Variants in SEMA3D observed in about 807,000 individuals in gnomAD.
SEMA3D encodes semaphorin 3D.
SEMA3D carries 84 observed loss-of-function variants against 100.1 expected under a neutral mutation model. The ratio of observed to expected loss-of-function variants is 0.84; its 90% CI spans 0.70 to 1.01. The LOEUF is 1.01. SEMA3D is among the 50% of genes least tolerant of loss of function. The pLI, the probability that SEMA3D is intolerant of heterozygous loss-of-function variation, is 0.00. For missense variants in SEMA3D, 875 were observed against 934.1 expected, an observed-to-expected ratio of 0.94 and a Z score of 0.82; for synonymous variants, 312 against 320.7, an observed-to-expected ratio of 0.97 and a Z score of 0.29.
chr7:85,145,848 T>C (rs1182430665), intron 2 of SEMA3D, among the ~76,000 whole-genome samples: 2 of 152,156 alleles, frequency 1.3e-5, no homozygotes, highest in Non-Finnish European at 2.9e-5. Context: ...TATTTGCATA[T>C]AACCTACTCA....
intron 2 of SEMA3D, among the ~76,000 whole-genome samples, chr7:85,145,111 A>G (rs1016428560): frequency 6.6e-6 from 1 of 152,190 alleles, no homozygotes; most frequent in African/African-American, 2.4e-5. Context: ...CAAATTTTTA[A>G]ACTCTTTCTG....
intron 12 of SEMA3D, among the ~76,000 whole-genome samples, chr7:85,036,608 T>G (rs974246813): frequency 5.3e-5 from 8 of 152,246 alleles, no homozygotes; most frequent in Admixed American, 1.3e-4. Flanking sequence ...TCTAGATAAC[T>G]AAATCTTTCC....
intron 3 of SEMA3D, among the ~76,000 whole-genome samples, chr7:85,100,595 C>T (rs1788715157): frequency 6.6e-6 from 1 of 151,676 alleles, no homozygotes; most frequent in South Asian, 2.1e-4. Flanking sequence ...GAGATAATGT[C>T]TAGGATATAG....
chr7:85,032,217 T>C (rs1436905566), intron 12 of SEMA3D, among the ~76,000 whole-genome samples: 1 of 152,008 alleles, frequency 6.6e-6, no homozygotes. Context: ...TGATACGCTG[T>C]GAAATATAAT....
chr7:85,055,715 G>A lies in SEMA3D; in HGVS notation c.861+2C>T, dbSNP rs773876763. On this transcript the variant is annotated splice_donor_variant, in intron 9 of 18. Transcript: ENST00000284136. LOFTEE classifies it low-confidence loss of function (GC_TO_GT_DONOR). ...TAAGTAAAATATATAAATATATCTTGCCTTACAAACTCTTCCAACTCGAGA... is the reference window on the plus strand; with the variant it reads ...TAAGTAAAATATATAAATATATCTTACCTTACAAACTCTTCCAACTCGAGA... 1.7e-6 allele frequency: 2 copies of A among 1,166,870 alleles called. No individual in the cohort carries two copies. The highest frequency in any genetic ancestry group is 3.2e-5 in the South Asian group (2 of 61,600). 72.3% of individuals were successfully genotyped at this position (1,166,870 alleles called of 1,614,324 possible).
the SEMA3D span, among the ~76,000 whole-genome samples, chr7:85,202,716 A>G: frequency 6.6e-6 from 1 of 152,190 alleles, no homozygotes; most frequent in Non-Finnish European, 1.5e-5. Context: ...GAAGACATTT[A>G]TGCAGCCAAA....
chr7:85,058,258 T>A (rs1256432735), intron 8 of SEMA3D, among the ~76,000 whole-genome samples: 1 of 152,170 alleles, frequency 6.6e-6, no homozygotes, highest in African/African-American at 2.4e-5. Flanking sequence ...ATAAAGTATT[T>A]AATTTTTTTC....
chr7:85,023,360 T>C (rs1482029718), intron 12 of SEMA3D, among the ~76,000 whole-genome samples: 3 of 151,974 alleles, frequency 2.0e-5, no homozygotes, highest in South Asian at 2.1e-4. Flanking sequence ...AAACACCTTA[T>C]AATTAGACTT....
intron 2 of SEMA3D, among the ~76,000 whole-genome samples, chr7:85,146,285 C>T (rs982666979): frequency 1.3e-5 from 2 of 151,674 alleles, no homozygotes; most frequent in Admixed American, 6.6e-5. Context: ...CCAGGAGTGG[C>T]GTCTCACATG....
intron 12 of SEMA3D, chr7:85,028,173 A>G (rs1419684698): frequency 1.1e-5 from 7 of 640,660 alleles, no homozygotes; most frequent in South Asian, 1.5e-5. Context: ...GCTGCTACCC[A>G]TAGGAGGTGT....
At chr7:85,238,086 T>C in the SEMA3D span, among the ~76,000 whole-genome samples, 24 of 152,226 alleles carry the variant, frequency 1.6e-4, no homozygotes, top group Non-Finnish European at 3.2e-4. Context: ...GTTCAGGTAT[T>C]TTGCACGTTT....
chr7:85,068,198 T>A lies in SEMA3D; in HGVS notation c.582A>T (p.Val194=), dbSNP rs759750389. Residue 194 remains valine (V), a synonymous_variant, in exon 7 of 19, where the codon GTA becomes GTT. Coordinates refer to ENST00000284136, the MANE Select transcript of SEMA3D (RefSeq NM_001384900.1). ...PFDPQQPFAS[V]MTDEYLYSGT... ...GCCTGTCATTGATCTTACCTGTCAT[T>A]ACTGAAGCAAAAGGCTGCTGAGGAT... 1.3e-6 allele frequency: 2 copies of A among 1,584,602 alleles called. No homozygotes were observed. Among genetic ancestry groups the A allele is most frequent in the African/African-American group, 1.3e-5 (1 of 74,310 alleles).
the SEMA3D span, among the ~76,000 whole-genome samples, chr7:85,241,071 A>C: frequency 6.6e-6 from 1 of 152,144 alleles, no homozygotes; most frequent in Non-Finnish European, 1.5e-5. Flanking sequence ...AAAAATGCTC[A>C]ACATCACTAA....
intron 17 of SEMA3D, among the ~76,000 whole-genome samples, chr7:85,009,742 T>A (rs1303738551): frequency 6.6e-6 from 1 of 151,882 alleles, no homozygotes; most frequent in Non-Finnish European, 1.5e-5. Flanking sequence ...ATTTACTTTA[T>A]AAAATCTAAC....
chr7:85,234,501 G>A, the SEMA3D span, among the ~76,000 whole-genome samples: 1 of 152,170 alleles, frequency 6.6e-6, no homozygotes, highest in Non-Finnish European at 1.5e-5. Context: ...AATGACCACT[G>A]TACTGGAGTT....
At chr7:85,180,491 T>C (rs1009266273) in intron 1 of SEMA3D, among the ~76,000 whole-genome samples, 13 of 152,234 alleles carry the variant, frequency 8.5e-5, no homozygotes, top group Non-Finnish European at 1.5e-5. Flanking sequence ...AATGGTTCAC[T>C]ATTAGTAAAG....
At chr7:85,203,951 C>T in the SEMA3D span, among the ~76,000 whole-genome samples, 1 of 151,860 alleles carries the variant, frequency 6.6e-6, no homozygotes, top group African/African-American at 2.4e-5. Context: ...ATTCCATATT[C>T]CAAGGTAACA....
chr7:85,239,323 A>C, the SEMA3D span, among the ~76,000 whole-genome samples: 1 of 152,190 alleles, frequency 6.6e-6, no homozygotes, highest in Non-Finnish European at 1.5e-5. Flanking sequence ...CTAAAAGCTA[A>C]GGAACTAGCT....
chr7:85,033,276 T>C (rs1790595677), intron 12 of SEMA3D, among the ~76,000 whole-genome samples: 1 of 152,158 alleles, frequency 6.6e-6, no homozygotes, highest in Non-Finnish European at 1.5e-5. Context: ...TATTTTCTCA[T>C]TGATGAAAAA....
Sources: allele counts gnomAD v4.1 joint callset (sites outside exome capture counted in the v4.1 genomes callset), GRCh38; gene constraint gnomAD v4.1.1; transcripts MANE v1.5; gene names NCBI Gene and HGNC (gene_info 2026-07-23, HGNC 2026-07-21).